LHFPL6: variants seen among roughly 807,000 people sequenced by gnomAD.
The protein encoded by LHFPL6 is LHFPL tetraspan subfamily member 6.
In LHFPL6, 9 loss-of-function variants were observed where a neutral mutation model predicts 20.6. The ratio of observed to expected loss-of-function variants is 0.44; its 90% confidence interval spans 0.26 to 0.76. The LOEUF is 0.76. LHFPL6 is among the 30% of genes least tolerant of loss of function. LHFPL6 has a pLI of 0.20. For synonymous variants in LHFPL6, 105 were observed against 98.7 expected (o/e 1.06, Z -0.38); for missense variants, 218 against 253.5 (o/e 0.86, Z 0.95).
intron 2 of LHFPL6, among the ~76,000 whole-genome samples, chr13:39,515,746 C>T (rs957185382): frequency 4.6e-5 from 7 of 151,776 alleles, no homozygotes; most frequent in Admixed American, 1.3e-4. Flanking sequence ...CAGATGTGTG[C>T]GTGATGATGA....
chr13:39,565,153 T>C (rs574719127), intron 2 of LHFPL6, among the ~76,000 whole-genome samples: 1 of 152,200 alleles, frequency 6.6e-6, no homozygotes, highest in Admixed American at 6.5e-5. Context: ...AAGCTTGCCA[T>C]CTATATCATC....
chr13:39,558,698 C>T (rs943311533), intron 2 of LHFPL6, among the ~76,000 whole-genome samples: 1 of 152,180 alleles, frequency 6.6e-6, no homozygotes, highest in Non-Finnish European at 1.5e-5. Flanking sequence ...GGATATCTGA[C>T]AATGACTTTG....
chr13:39,472,831 G>A (rs1455346621), intron 2 of LHFPL6, among the ~76,000 whole-genome samples: 3 of 152,076 alleles, frequency 2.0e-5, no homozygotes, highest in African/African-American at 7.2e-5. Flanking sequence ...GGCTAGTCTC[G>A]AACTCCTGAC....
At chr13:39,522,439 A>G (rs1473217456) in intron 2 of LHFPL6, among the ~76,000 whole-genome samples, 2 of 152,162 alleles carry the variant, frequency 1.3e-5, no homozygotes, top group African/African-American at 4.8e-5. Flanking sequence ...CAACTCTCCA[A>G]TATTATTGTG....
intron 2 of LHFPL6, among the ~76,000 whole-genome samples, chr13:39,589,982 T>C (rs1351615822): frequency 1.3e-5 from 2 of 152,180 alleles, no homozygotes; most frequent in African/African-American, 4.8e-5. Context: ...AAAGAGACAA[T>C]AAGAATATTC....
intron 2 of LHFPL6, among the ~76,000 whole-genome samples, chr13:39,528,579 T>C (rs1306987982): frequency 6.6e-6 from 1 of 152,182 alleles, no homozygotes; most frequent in Non-Finnish European, 1.5e-5. Context: ...GTGCCACTTT[T>C]ACAAATAAAC....
chr13:39,427,201 T>C (rs1333170314), intron 2 of LHFPL6, among the ~76,000 whole-genome samples: 1 of 152,202 alleles, frequency 6.6e-6, no homozygotes, highest in Non-Finnish European at 1.5e-5. Flanking sequence ...GTCCCTCTTG[T>C]TTCCTATACG....
At chr13:39,471,748 A>T (rs914871145) in intron 2 of LHFPL6, among the ~76,000 whole-genome samples, 2 of 152,238 alleles carry the variant, frequency 1.3e-5, no homozygotes, top group Non-Finnish European at 2.9e-5. Flanking sequence ...CCTTGTAGAG[A>T]AATTAACCAA....
At chr13:39,507,889 C>CCCTCCCTTCCTT (rs1555265404) in intron 2 of LHFPL6, among the ~76,000 whole-genome samples, 29,832 of 143,274 alleles carry the variant, frequency 0.21, 3,505 homozygotes, top group Non-Finnish European at 0.24. Context: ...TGCCTCCCCT[C>CCCTCCCTTCCTT]CCTTCCTTCC....
intron 2 of LHFPL6, among the ~76,000 whole-genome samples, chr13:39,486,604 T>C (rs1267698139): frequency 1.3e-5 from 2 of 152,168 alleles, no homozygotes; most frequent in South Asian, 2.1e-4. Flanking sequence ...ATGATGACGA[T>C]GGTCAGGGTG....
intron 2 of LHFPL6, among the ~76,000 whole-genome samples, chr13:39,379,357 G>A (rs1022500508): frequency 6.6e-6 from 1 of 152,154 alleles, no homozygotes; most frequent in Non-Finnish European, 1.5e-5. Context: ...AGATCTTGTT[G>A]TGTCAATCAC....
chr13:39,594,535 C>T (rs1171437672), intron 2 of LHFPL6, among the ~76,000 whole-genome samples: 2 of 152,188 alleles, frequency 1.3e-5, no homozygotes, highest in African/African-American at 2.4e-5. Context: ...TAAACTAGTT[C>T]AACCATTGTG....
chr13:39,511,623 C>T (rs552208706), intron 2 of LHFPL6, among the ~76,000 whole-genome samples: 1 of 152,126 alleles, frequency 6.6e-6, no homozygotes, highest in Non-Finnish European at 1.5e-5. Context: ...CTAGAATATA[C>T]TATTAACAAT....
intron 2 of LHFPL6, among the ~76,000 whole-genome samples, chr13:39,461,952 T>C (rs1872698863): frequency 6.8e-6 from 1 of 147,632 alleles, no homozygotes; most frequent in South Asian, 2.2e-4. Flanking sequence ...GACAAAAAAG[T>C]AGACTAGGAT....
chr13:39,516,976 G>A lies in LHFPL6; in HGVS notation c.385+83856C>T, dbSNP rs545748595. ...ACATGATGGTGATTAAATCTTCCAC[G>A]TTGGAAGCAGAATGTGCTATATAGT... On this transcript the variant is annotated intron_variant, in intron 2 of 3. Coordinates refer to ENST00000379589, the MANE Select transcript of LHFPL6 (RefSeq NM_005780.3). Among the ~76,000 whole-genome samples the A allele has an allele frequency of 1.8e-4, 27 of 152,256 alleles. No homozygotes were observed. The South Asian group carries it at 4.6e-3, about 26-fold the overall frequency.
intron 2 of LHFPL6, among the ~76,000 whole-genome samples, chr13:39,563,101 C>T (rs1029780227): frequency 7.1e-4 from 41 of 57,688 alleles, no homozygotes; most frequent in African/African-American, 5.2e-3. Flanking sequence ...AACACACACA[C>T]ACACACACAC....
chr13:39,354,728 T>C (rs1289717393), intron 3 of LHFPL6, among the ~76,000 whole-genome samples: 1 of 152,010 alleles, frequency 6.6e-6, no homozygotes, highest in Non-Finnish European at 1.5e-5. Flanking sequence ...ACTTGTGAAA[T>C]TGAAAAATTC....
chr13:39,507,249 G>A (rs1465781773), intron 2 of LHFPL6, among the ~76,000 whole-genome samples: 2 of 152,178 alleles, frequency 1.3e-5, no homozygotes, highest in African/African-American at 4.8e-5. Context: ...TACAAGCAGT[G>A]CTCTGTGGCC....
intron 3 of LHFPL6, among the ~76,000 whole-genome samples, chr13:39,352,924 A>C (rs1262695734): frequency 1.1e-3 from 31 of 28,492 alleles, no homozygotes; most frequent in African/African-American, 1.7e-3. Context: ...TATATATATA[A>C]ATGTATATAT....
Sources: allele counts gnomAD v4.1 joint callset (sites outside exome capture counted in the v4.1 genomes callset), GRCh38; gene constraint gnomAD v4.1.1; transcripts MANE v1.5; gene names NCBI Gene and HGNC (gene_info 2026-07-23, HGNC 2026-07-21).